CACNA1E: variants seen among roughly 807,000 people sequenced by gnomAD.
CACNA1E encodes the protein calcium voltage-gated channel subunit alpha1 E, also known as voltage-dependent R-type calcium channel subunit alpha-1E.
CACNA1E carries 40 observed loss-of-function variants against 259.2 expected under a neutral mutation model. That is an observed-to-expected ratio of 0.15 (90% CI 0.12 to 0.20). The LOEUF is 0.20. Among genes scored for constraint, CACNA1E ranks in the 10% least tolerant of loss-of-function variants. CACNA1E has a pLI of 1.00. For synonymous variants in CACNA1E, 1,104 were observed against 1,138.5 expected (o/e 0.97, Z 0.61); for missense variants, 1,874 against 3,040.1 (o/e 0.62, Z 9.02).
intron 3 of CACNA1E, among the ~76,000 whole-genome samples, chr1:181,514,896 G>A (rs138401979): frequency 9.2e-5 from 14 of 152,258 alleles, no homozygotes; most frequent in Non-Finnish European, 1.8e-4. Flanking sequence ...TTTAGAAAGC[G>A]CATTTATGTA....
chr1:181,791,705 A>G (rs1159843486), intron 44 of CACNA1E, among the ~76,000 whole-genome samples: 1 of 152,142 alleles, frequency 6.6e-6, no homozygotes, highest in Non-Finnish European at 1.5e-5. Flanking sequence ...AGAAAAAAAG[A>G]CAAAACCCAA....
intron 12 of CACNA1E, among the ~76,000 whole-genome samples, chr1:181,718,969 C>G (rs151183442): frequency 2.0e-5 from 3 of 152,178 alleles, no homozygotes; most frequent in African/African-American, 7.2e-5. Context: ...AATCCCACTA[C>G]TTTTTCTGCC....
intron 2 of CACNA1E, among the ~76,000 whole-genome samples, chr1:181,470,781 T>G (rs960114407): frequency 6.6e-5 from 10 of 152,126 alleles, no homozygotes; most frequent in Non-Finnish European, 1.0e-4. Context: ...GCCTACTGCT[T>G]GGCTCTTATC....
At chr1:181,527,845 A>C (rs1014873993) in intron 3 of CACNA1E, among the ~76,000 whole-genome samples, 1 of 152,116 alleles carries the variant, frequency 6.6e-6, no homozygotes, top group African/African-American at 2.4e-5. Flanking sequence ...TAACACCTTA[A>C]TATTTATTGT....
In CACNA1E at chr1:181,483,610, A is replaced by T; in HGVS notation, c.-135A>T. ...TGCTGCCTCTCCGAAGAGCTCGCGG[A>T]GCTCCCCAGAGGCGGTGGTCCCCGT... On this transcript the variant is annotated 5_prime_UTR_variant, in exon 1 of 48. Coordinates refer to ENST00000367573, the MANE Select transcript of CACNA1E (RefSeq NM_001205293.3). 2 of 500,392 alleles carry T rather than the reference A, an allele frequency of 4.0e-6. No individual in the cohort carries two copies. Among genetic ancestry groups the T allele is most frequent in the Non-Finnish European group, 6.9e-6 (2 of 291,870 alleles). 31.0% of individuals were successfully genotyped at this position (500,392 alleles called of 1,614,324 possible). A position where few individuals can be genotyped will look rare whatever the true frequency, so the allele number is the denominator to read the frequency against.
In CACNA1E at chr1:181,475,166, T is replaced by C. The variant is rs78925212; in HGVS notation, c.435-8578T>C. The stretch of plus-strand genomic sequence containing the variant: ...AGTTGCAGGAGATCCATGCATTCAG[T>C]GACAATTTATTTTGCAAAGGCTTGC... On this transcript the variant is annotated intron_variant, in intron 2 of 11. Coordinates refer to the CACNA1E transcript ENST00000524607. 2.0e-5 allele frequency among the ~76,000 whole-genome samples: 3 copies of C among 152,274 alleles called. No homozygotes were observed. In the East Asian group the frequency reaches 5.8e-4, roughly 29 times the overall value.
At chr1:181,553,126 C>A (rs1417397824) in intron 3 of CACNA1E, among the ~76,000 whole-genome samples, 1 of 152,164 alleles carries the variant, frequency 6.6e-6, no homozygotes, top group Non-Finnish European at 1.5e-5. Flanking sequence ...TTCTTCCTAT[C>A]CATGAAGATG....
intron 35 of CACNA1E, among the ~76,000 whole-genome samples, chr1:181,770,783 A>G (rs1659433755): frequency 6.6e-6 from 1 of 152,190 alleles, no homozygotes; most frequent in African/African-American, 2.4e-5. Flanking sequence ...AGGAAGATAG[A>G]GATGCCACTC....
chr1:181,559,936 G>T (rs1052719128), intron 3 of CACNA1E, among the ~76,000 whole-genome samples: 1 of 152,212 alleles, frequency 6.6e-6, no homozygotes, highest in African/African-American at 2.4e-5. Flanking sequence ...GTGAGAAAAA[G>T]GGTCACCAGC....
intron 3 of CACNA1E, among the ~76,000 whole-genome samples, chr1:181,540,162 T>G (rs912321103): frequency 3.3e-5 from 5 of 152,168 alleles, no homozygotes; most frequent in African/African-American, 1.2e-4. Context: ...TAAACGCATT[T>G]CCTAGATCCC....
chr1:181,736,175 G>C, intron 21 of CACNA1E, 100 bp from the exon 22 acceptor site: 5 of 1,402,550 alleles, frequency 3.6e-6, no homozygotes, highest in Non-Finnish European at 4.8e-6. Context: ...CATCCCTGGA[G>C]CCCTTTCTCC....
At chr1:181,589,118 T>C (rs1416222098) in intron 6 of CACNA1E, among the ~76,000 whole-genome samples, 1 of 152,202 alleles carries the variant, frequency 6.6e-6, no homozygotes, top group African/African-American at 2.4e-5. Flanking sequence ...CTGCCCCAGA[T>C]CTGGTGGGCC....
intron 1 of CACNA1E, among the ~76,000 whole-genome samples, chr1:181,391,980 T>TGTGTGTGTGTGTGTG (rs1656334318): frequency 6.6e-6 from 1 of 150,684 alleles, no homozygotes; most frequent in Non-Finnish European, 1.5e-5. Context: ...TGTGTGTGTG[T>TGTGTGTGTGTGTGTG]TTAGTGGAAG....
intron 6 of CACNA1E, among the ~76,000 whole-genome samples, chr1:181,607,500 C>T (rs1262197114): frequency 2.0e-5 from 3 of 152,180 alleles, no homozygotes; most frequent in South Asian, 2.1e-4. Flanking sequence ...GCGATCCCAG[C>T]GTGTGCGGTA....
chr1:181,600,393 T>C (rs1653622433), intron 6 of CACNA1E, among the ~76,000 whole-genome samples: 1 of 152,206 alleles, frequency 6.6e-6, no homozygotes, highest in Non-Finnish European at 1.5e-5. Flanking sequence ...ATCTGATATA[T>C]GCTGAAAGAT....
At chr1:181,528,332 C>A (rs1572109773) in intron 3 of CACNA1E, among the ~76,000 whole-genome samples, 1 of 152,100 alleles carries the variant, frequency 6.6e-6, no homozygotes, top group African/African-American at 2.4e-5. Flanking sequence ...GAGGCCTCCC[C>A]AGCCAAGTGG....
At chr1:181,795,857 T>A (rs1390756636) in intron 46 of CACNA1E, among the ~76,000 whole-genome samples, 1 of 150,882 alleles carries the variant, frequency 6.6e-6, no homozygotes, top group African/African-American at 2.4e-5. Flanking sequence ...ACTTGTCCCA[T>A]GTCATAGGGC....
Position 181,716,069 on chromosome 1 carries a change from C to A in CACNA1E, c.1255C>A (p.Arg419=), listed in dbSNP as rs377231001. ...TCGAAGGGCAACCATCAAGAGGAGC[C>A]GGACAGAGGCCATGACTCGAGACTC... ...VLRRATIKRS[R]TEAMTRDSSD... is the part of the protein sequence containing the mutation. Residue 419 remains arginine (R), a synonymous_variant, in exon 10 of 48, where the codon CGG becomes AGG. Coordinates refer to ENST00000367573, the MANE Select transcript of CACNA1E (RefSeq NM_001205293.3). The A allele has an allele frequency of 1.3e-6, 2 of 1,572,826 alleles. No individual in the cohort carries two copies. Among genetic ancestry groups the A allele is most frequent in the Admixed American group, 1.8e-5 (1 of 54,210 alleles).
intron 6 of CACNA1E, among the ~76,000 whole-genome samples, chr1:181,609,361 G>T (rs964984268): frequency 6.6e-6 from 1 of 152,158 alleles, no homozygotes; most frequent in Admixed American, 6.5e-5. Flanking sequence ...CAAGCCTCTT[G>T]CTTTGAGAGG....
Sources: gnomAD v4.1 joint callset for allele counts (sites outside exome capture counted in the v4.1 genomes callset) on GRCh38, gnomAD v4.1.1 for gene constraint, MANE v1.5 for transcripts, NCBI Gene and HGNC (gene_info 2026-07-23, HGNC 2026-07-21) for gene names.